CARNMT1: variants seen among roughly 807,000 people sequenced by gnomAD.
CARNMT1 encodes carnosine N-methyltransferase 1.
In CARNMT1, 28 loss-of-function variants were observed where a neutral mutation model predicts 49.6. The ratio of observed to expected loss-of-function variants is 0.56; its 90% confidence interval spans 0.42 to 0.77. The LOEUF is 0.77. Ranked by LOEUF, CARNMT1 falls within the 30% of genes least tolerant of loss-of-function variation. CARNMT1 has a pLI of 0.00. For synonymous variants in CARNMT1, 178 were observed against 175.0 expected (o/e 1.02, Z -0.13); for missense variants, 421 against 512.6 (o/e 0.82, Z 1.73).
rs146454773 is a variant in CARNMT1, at chr9:74,992,948, T to C, written c.1024+3499A>G. On this transcript the variant is annotated intron_variant, in intron 6 of 7. Transcript: ENST00000376834. The stretch of plus-strand genomic sequence containing the variant: ...AAATTAAGCCTCCAGGTCTATATAA[T>C]TAAAGCCAAAACCATAAGAATGTTA... Among the ~76,000 whole-genome samples the C allele has an allele frequency of 2.0e-3, 312 of 152,316 alleles. 1 individual carries two copies. Among genetic ancestry groups the C allele is most frequent in the African/African-American group, 7.0e-3 (289 of 41,568 alleles).
chr9:75,025,565 A>G (rs1265233961), intron 1 of CARNMT1, among the ~76,000 whole-genome samples: 2 of 152,150 alleles, frequency 1.3e-5, no homozygotes, highest in Non-Finnish European at 2.9e-5. Context: ...TAAATGATAA[A>G]CTAGTATCTA....
At chr9:75,018,988 A>G (rs1005055174) in intron 1 of CARNMT1, among the ~76,000 whole-genome samples, 2 of 149,434 alleles carry the variant, frequency 1.3e-5, no homozygotes, top group African/African-American at 2.5e-5. Flanking sequence ...AAAAAAAAAA[A>G]GGAATAAAAT....
At chr9:75,027,410 A>C in intron 1 of CARNMT1, 1 of 985,218 alleles carries the variant, frequency 1.0e-6, no homozygotes, top group Non-Finnish European at 1.2e-6. Flanking sequence ...GAATATCCGG[A>C]CCACTTCCGC....
At chr9:75,011,315 T>C (rs1833684179) in intron 3 of CARNMT1, among the ~76,000 whole-genome samples, 1 of 152,150 alleles carries the variant, frequency 6.6e-6, no homozygotes, top group Admixed American at 6.5e-5. Context: ...TCCCCATGTC[T>C]TGTTTCTACC....
intron 2 of CARNMT1, chr9:75,016,767 T>C (rs1833870505): frequency 3.7e-6 from 1 of 272,102 alleles, no homozygotes. Flanking sequence ...TGGGGCAGCA[T>C]GGAGAGGCTC....
At chr9:74,990,732 T>A (rs563017043) in intron 6 of CARNMT1, among the ~76,000 whole-genome samples, 1 of 152,300 alleles carries the variant, frequency 6.6e-6, no homozygotes, top group South Asian at 2.1e-4. Context: ...GGGCTTGGAA[T>A]ATCTGGTTGT....
At chr9:74,994,577 T>C (rs534568543) in intron 6 of CARNMT1, among the ~76,000 whole-genome samples, 4 of 152,110 alleles carry the variant, frequency 2.6e-5, no homozygotes, top group African/African-American at 9.7e-5. Flanking sequence ...GAGATACAGA[T>C]TGGGAATCCA....
At chr9:75,007,746 A>AAT (rs976104902) in intron 3 of CARNMT1, among the ~76,000 whole-genome samples, 8 of 106,650 alleles carry the variant, frequency 7.5e-5, no homozygotes, top group African/African-American at 2.8e-4. Context: ...TAAAAATAAT[A>AAT]AAAAAAAAAA....
Position 74,999,784 on chromosome 9 carries a change from T to C in CARNMT1, c.677A>G (p.Gln226Arg). 1 of 1,612,718 alleles carries C rather than the reference T, an allele frequency of 6.2e-7. No individual in the cohort carries two copies. Residue 226 changes from glutamine (Q) to arginine (R), a missense_variant, in exon 4 of 8, where the codon CAA becomes CGA. This residue lies in a region of CARNMT1 where 235 missense variants were observed against 344.8 expected (regional missense o/e 0.68). Coordinates refer to ENST00000376834, the MANE Select transcript of CARNMT1 (RefSeq NM_152420.3). ...CATAAAAAAACTCCATTCATTTCCTTGACAAGCATAACCTAGCATAGCTAT... is the reference window on the plus strand; with the variant it reads ...CATAAAAAAACTCCATTCATTTCCTCGACAAGCATAACCTAGCATAGCTAT... ...WEIAMLGYAC[Q>R]GNEWSFFMLF...
intron 3 of CARNMT1, among the ~76,000 whole-genome samples, chr9:75,009,395 C>T (rs1294199038): frequency 6.6e-6 from 1 of 151,962 alleles, no homozygotes; most frequent in Non-Finnish European, 1.5e-5. Context: ...CATGCCCAAC[C>T]CAAGTATTTT....
At chr9:74,985,141 A>G in intron 6 of CARNMT1, 131 bp from the exon 7 acceptor site, 1 of 672,244 alleles carries the variant, frequency 1.5e-6, no homozygotes, top group South Asian at 2.0e-5. Flanking sequence ...TTTGCTGAAA[A>G]TGCCCAGACC....
chr9:75,010,598 C>T (rs1423120668), intron 3 of CARNMT1, among the ~76,000 whole-genome samples: 2 of 151,930 alleles, frequency 1.3e-5, no homozygotes, highest in African/African-American at 4.8e-5. Flanking sequence ...ACTTAACATA[C>T]ATGTAACTGG....
At chr9:75,013,516 G>C (rs1833760234) in intron 3 of CARNMT1, among the ~76,000 whole-genome samples, 1 of 151,870 alleles carries the variant, frequency 6.6e-6, no homozygotes, top group South Asian at 2.1e-4. Context: ...TAACGTAGGA[G>C]AAAGTTGGTT....
rs182608416 is a variant in CARNMT1, at chr9:75,024,154, T to A, written c.230+3858A>T. Among the ~76,000 whole-genome samples, 361 of 152,342 alleles carry A rather than the reference T, an allele frequency of 2.4e-3. 1 individual carries two copies. Among genetic ancestry groups the A allele is most frequent in the African/African-American group, 8.5e-3 (352 of 41,582 alleles). On this transcript the variant is annotated intron_variant, in intron 1 of 7. Transcript: ENST00000376834. ...CACAGGCCCATTCCTCTGCACCTAGTTGAACTACTCTAGGAAATCCAAATA... is the reference window on the plus strand; with the variant it reads ...CACAGGCCCATTCCTCTGCACCTAGATGAACTACTCTAGGAAATCCAAATA...
At chr9:74,997,633 C>G (rs1224363398) in intron 5 of CARNMT1, among the ~76,000 whole-genome samples, 1 of 152,064 alleles carries the variant, frequency 6.6e-6, no homozygotes, top group Non-Finnish European at 1.5e-5. Flanking sequence ...CTTCAAATAT[C>G]TCAGTGGTTT....
intron 1 of CARNMT1, among the ~76,000 whole-genome samples, chr9:75,023,989 T>G (rs991565267): frequency 6.6e-6 from 1 of 152,156 alleles, no homozygotes; most frequent in African/African-American, 2.4e-5. Flanking sequence ...GAAAGTAAAC[T>G]TAGTAGCCAT....
intron 3 of CARNMT1, 157 bp downstream of exon 3, chr9:75,016,109 TCA>T (rs1442820649): frequency 3.1e-5 from 16 of 515,258 alleles, no homozygotes; most frequent in Non-Finnish European, 4.7e-5. Flanking sequence ...AACTGTAATC[TCA>T]CACAGAGCAT....
chr9:74,992,368 C>G (rs891214122), intron 6 of CARNMT1, among the ~76,000 whole-genome samples: 1 of 151,956 alleles, frequency 6.6e-6, no homozygotes, highest in African/African-American at 2.4e-5. Context: ...TCCTTTGGTA[C>G]TTTTACCAGA....
intron 3 of CARNMT1, among the ~76,000 whole-genome samples, chr9:75,003,891 T>C (rs1833433211): frequency 6.6e-6 from 1 of 152,270 alleles, no homozygotes; most frequent in Non-Finnish European, 1.5e-5. Flanking sequence ...TCTGTTTTGC[T>C]ATGAGACGGA....
Sources: allele counts gnomAD v4.1 joint callset (sites outside exome capture counted in the v4.1 genomes callset), GRCh38; gene constraint gnomAD v4.1.1; regional missense constraint gnomAD v4.1.1; transcripts MANE v1.5; gene names NCBI Gene and HGNC (gene_info 2026-07-23, HGNC 2026-07-21).